RBFOX3: variants seen among roughly 807,000 people sequenced by gnomAD.
RBFOX3 encodes the protein RNA binding protein fox-1 homolog 3.
Under a neutral mutation model 48.7 loss-of-function variants are expected in RBFOX3, and 17 were observed. The observed-to-expected ratio is 0.35, with a 90% confidence interval of 0.24 to 0.52. RBFOX3 has a LOEUF of 0.52. Ranked by LOEUF, RBFOX3 falls within the 20% of genes least tolerant of loss-of-function variation. The pLI is 0.94. For synonymous variants in RBFOX3, 212 were observed against 209.5 expected (o/e 1.01, Z -0.10); for missense variants, 382 against 497.5 (o/e 0.77, Z 2.21).
intron 1 of RBFOX3, among the ~76,000 whole-genome samples, chr17:79,543,805 GCTA>G (rs1178096031): frequency 6.6e-6 from 1 of 151,360 alleles, no homozygotes; most frequent in Non-Finnish European, 1.5e-5. Context: ...ATAATTCAGA[GCTA>G]CTGGTCAACC....
chr17:79,331,511 C>T (rs914905264), intron 2 of RBFOX3, among the ~76,000 whole-genome samples: 4 of 152,178 alleles, frequency 2.6e-5, no homozygotes, highest in Non-Finnish European at 5.9e-5. Context: ...CTCTGCCCCC[C>T]CTGGACCCCT....
chr17:79,517,674 G>T (rs2085454857), intron 1 of RBFOX3, among the ~76,000 whole-genome samples: 1 of 152,092 alleles, frequency 6.6e-6, no homozygotes, highest in Admixed American at 6.6e-5. Flanking sequence ...CCCACCACTG[G>T]CCTCTCACCC....
chr17:79,608,808 A>T (rs929005254), intron 1 of RBFOX3, among the ~76,000 whole-genome samples: 1 of 148,702 alleles, frequency 6.7e-6, no homozygotes, highest in African/African-American at 2.5e-5. Context: ...GAAGGCCTCC[A>T]GTCCTGGGGG....
At chr17:79,439,843 C>A (rs2148990413) in intron 2 of RBFOX3, among the ~76,000 whole-genome samples, 1 of 152,368 alleles carries the variant, frequency 6.6e-6, no homozygotes, top group Non-Finnish European at 1.5e-5. Context: ...CAACACTGAG[C>A]TCTCCTGCTG....
At chr17:79,319,356 G>C (rs1367181871) in intron 2 of RBFOX3, among the ~76,000 whole-genome samples, 12 of 152,226 alleles carry the variant, frequency 7.9e-5, no homozygotes, top group Admixed American at 7.9e-4. Context: ...GAAAGAGGCA[G>C]AACGGGGGCT....
At chr17:79,185,844 C>A (rs1347670896) in intron 4 of RBFOX3, among the ~76,000 whole-genome samples, 2 of 152,266 alleles carry the variant, frequency 1.3e-5, no homozygotes, top group East Asian at 3.9e-4. Context: ...TATATGCAGA[C>A]AGTGTGCTCG....
intron 4 of RBFOX3, among the ~76,000 whole-genome samples, chr17:79,119,200 G>C (rs561344350): frequency 3.3e-5 from 5 of 152,258 alleles, no homozygotes; most frequent in Admixed American, 1.3e-4. Context: ...CAACATAAAG[G>C]GGGGAGCTCC....
At position 79,482,963 on chromosome 17, in the gene RBFOX3, C is replaced by CG. The variant is rs1224406561; in HGVS notation, c.-319-366dup. 4.0e-5 allele frequency among the ~76,000 whole-genome samples: 6 copies of CG among 151,760 alleles called. No homozygotes were observed. The highest frequency in any genetic ancestry group is 3.9e-4 in the Admixed American group (6 of 15,238). ...CCCCATCGCCTTTCCCACTACCGCC[C>CG]GCTCTTGCTTCCTCCCCCACCCAGC... On this transcript the variant is annotated intron_variant, in intron 1 of 14. Coordinates refer to ENST00000693108, the MANE Select transcript of RBFOX3 (RefSeq NM_001350451.2). This position sits in a 1 kb window ranked among gnomAD's most constrained non-coding sequence, Gnocchi z 4.1.
chr17:79,113,833 G>C (rs770503835), intron 5 of RBFOX3, among the ~76,000 whole-genome samples: 12 of 152,154 alleles, frequency 7.9e-5, no homozygotes, highest in Non-Finnish European at 1.5e-4. Context: ...TTCAGTGCCT[G>C]GAACACGGCA....
chr17:79,364,551 G>A lies in RBFOX3; in HGVS notation c.-174-56727C>T, dbSNP rs2057445650. On this transcript the variant is annotated intron_variant, in intron 2 of 14. Transcript: ENST00000693108. The surrounding 1 kb of genome is among the most constrained non-coding windows in gnomAD (Gnocchi z 5.1). ...TGAGTGTGTTGACTGCACAGACACT[G>A]CGTGCAGCTCTGGGGATGAAAAGAT... Among the ~76,000 whole-genome samples, 1 of 152,216 alleles carries A rather than the reference G, an allele frequency of 6.6e-6. No individual in the cohort carries two copies. Among genetic ancestry groups the A allele is most frequent in the Admixed American group, 6.5e-5 (1 of 15,282 alleles).
chr17:79,368,528 G>A lies in RBFOX3; in HGVS notation c.-174-60704C>T, dbSNP rs1417013636. Among the ~76,000 whole-genome samples the A allele has an allele frequency of 5.3e-5, 8 of 152,240 alleles. No individual in the cohort carries two copies. The East Asian group carries it at 1.5e-3, about 29-fold the overall frequency. ...GTTCCACCGGTTCCCCGCACCTGCT[G>A]CCTTGGTCTCAGTTCCTCTGCAGGA... On this transcript the variant is annotated intron_variant, in intron 2 of 14. Coordinates refer to ENST00000693108, the MANE Select transcript of RBFOX3 (RefSeq NM_001350451.2).
At chr17:79,222,916 C>T (rs760084911) in intron 4 of RBFOX3, among the ~76,000 whole-genome samples, 2 of 152,162 alleles carry the variant, frequency 1.3e-5, no homozygotes, top group African/African-American at 4.8e-5. Flanking sequence ...CTGTGTCCCC[C>T]GGGCTCCATT....
chr17:79,178,236 G>A (rs970857507), intron 4 of RBFOX3, among the ~76,000 whole-genome samples: 4 of 152,200 alleles, frequency 2.6e-5, no homozygotes, highest in South Asian at 2.1e-4. Context: ...GGAGGTTTCC[G>A]AGACAGGACC....
intron 3 of RBFOX3, among the ~76,000 whole-genome samples, chr17:79,274,464 C>A (rs961094938): frequency 1.3e-5 from 2 of 152,172 alleles, no homozygotes; most frequent in African/African-American, 4.8e-5. Context: ...CACTCAGGCG[C>A]GAGGGAACTC....
intron 6 of RBFOX3, among the ~76,000 whole-genome samples, chr17:79,104,827 G>A (rs1331362947): frequency 6.6e-6 from 1 of 152,028 alleles, no homozygotes; most frequent in African/African-American, 2.4e-5. Context: ...GGTTGAGGGT[G>A]TGAGGGCAAG....
At chr17:79,511,861 G>C (rs900233419) in intron 1 of RBFOX3, among the ~76,000 whole-genome samples, 2 of 150,078 alleles carry the variant, frequency 1.3e-5, no homozygotes, top group Non-Finnish European at 3.0e-5. Context: ...CATGGCCAGG[G>C]GACACACGTG....
intron 1 of RBFOX3, among the ~76,000 whole-genome samples, chr17:79,543,673 G>A (rs989103469): frequency 2.0e-4 from 31 of 152,202 alleles, no homozygotes; most frequent in African/African-American, 6.0e-4. Context: ...AACACGCGGC[G>A]AAGATGAAGC....
At chr17:79,525,982 C>G (rs919619287) in intron 1 of RBFOX3, among the ~76,000 whole-genome samples, 5 of 152,212 alleles carry the variant, frequency 3.3e-5, no homozygotes, top group Admixed American at 3.3e-4. Context: ...CGGCCATTGG[C>G]TCTGCTGCGG....
chr17:79,583,623 G>A (rs1447168508), intron 1 of RBFOX3, among the ~76,000 whole-genome samples: 1 of 152,226 alleles, frequency 6.6e-6, no homozygotes, highest in Non-Finnish European at 1.5e-5. Context: ...CTCCAAGCAG[G>A]AGCTGCCTGT....
Sources: allele counts gnomAD v4.1 joint callset (sites outside exome capture counted in the v4.1 genomes callset), GRCh38; gene constraint gnomAD v4.1.1; non-coding constraint Gnocchi (gnomAD v3.1); transcripts MANE v1.5; gene names NCBI Gene and HGNC (gene_info 2026-07-23, HGNC 2026-07-21).